LINGO2: variants seen among roughly 807,000 people sequenced by gnomAD.
LINGO2 encodes the protein leucine rich repeat and Ig domain containing 2.
A neutral mutation model predicts 30.6 loss-of-function variants in LINGO2; 14 were observed. The observed-to-expected ratio is 0.46, with a 90% CI of 0.30 to 0.72. The LOEUF (loss-of-function observed/expected upper bound fraction) is 0.72, where lower values mean the gene tolerates loss of function less well. LINGO2 is among the 30% of genes least tolerant of loss of function. The pLI, the probability that LINGO2 is intolerant of heterozygous loss-of-function variation, is 0.07. For synonymous variants in LINGO2, 317 were observed against 288.5 expected (o/e 1.10, Z -1.00); for missense variants, 729 against 751.7 (o/e 0.97, Z 0.35).
At chr9:29,045,083 A>C in the LINGO2 span, among the ~76,000 whole-genome samples, 1 of 152,134 alleles carries the variant, frequency 6.6e-6, no homozygotes, top group African/African-American at 2.4e-5. Context: ...GATAACCAAG[A>C]TGGCAACTAA....
chr9:28,690,487 A>G, the LINGO2 span, among the ~76,000 whole-genome samples: 4 of 152,190 alleles, frequency 2.6e-5, no homozygotes, highest in Admixed American at 2.6e-4. Context: ...TCAGTTACCT[A>G]CTTCCATTTC....
At chr9:28,402,779 T>C (rs1822324588) in intron 2 of LINGO2, among the ~76,000 whole-genome samples, 1 of 152,178 alleles carries the variant, frequency 6.6e-6, no homozygotes, top group East Asian at 1.9e-4. Flanking sequence ...ATCTTTCCCA[T>C]CACGTTTTTT....
chr9:27,982,808 C>A (rs1820943219), intron 5 of LINGO2, among the ~76,000 whole-genome samples: 1 of 151,692 alleles, frequency 6.6e-6, no homozygotes, highest in Admixed American at 6.6e-5. Flanking sequence ...TACTTAGCCT[C>A]AGCTTCCTAT....
At chr9:28,413,369 A>G (rs546946278) in intron 2 of LINGO2, among the ~76,000 whole-genome samples, 1 of 152,200 alleles carries the variant, frequency 6.6e-6, no homozygotes, top group African/African-American at 2.4e-5. Flanking sequence ...GTAGGTCTTT[A>G]TTCATATTGT....
chr9:28,721,552 C>T, the LINGO2 span, among the ~76,000 whole-genome samples: 3 of 152,082 alleles, frequency 2.0e-5, no homozygotes, highest in Admixed American at 1.3e-4. Context: ...AGAAAACTAA[C>T]ACAGGAACAG....
At chr9:28,891,857 A>G in the LINGO2 span, among the ~76,000 whole-genome samples, 1 of 152,006 alleles carries the variant, frequency 6.6e-6, no homozygotes, top group African/African-American at 2.4e-5. Context: ...ATATTTTAGA[A>G]TGAGAATTTA....
intron 5 of LINGO2, among the ~76,000 whole-genome samples, chr9:27,960,475 C>G (rs921770508): frequency 6.6e-6 from 1 of 152,162 alleles, no homozygotes; most frequent in Non-Finnish European, 1.5e-5. Flanking sequence ...CAGCAAGTAC[C>G]CTTTGCCTGG....
the LINGO2 span, among the ~76,000 whole-genome samples, chr9:29,083,392 T>G: frequency 2.0e-5 from 3 of 151,774 alleles, no homozygotes; most frequent in Non-Finnish European, 1.5e-5. Context: ...ATGAGAACAC[T>G]TGGACACAGG....
chr9:27,940,572 T>G, the LINGO2 span: 1 of 152,340 alleles, frequency 6.6e-6, no homozygotes, highest in East Asian at 1.9e-4. Context: ...AATATAGGGT[T>G]GTACAATAAG....
At chr9:28,970,526 C>A in the LINGO2 span, among the ~76,000 whole-genome samples, 13 of 152,084 alleles carry the variant, frequency 8.5e-5, no homozygotes, top group Admixed American at 7.2e-4. Flanking sequence ...ACCCCTCCCC[C>A]ACCCCCCAGC....
chr9:28,080,071 T>C (rs773485358), intron 4 of LINGO2, among the ~76,000 whole-genome samples: 1 of 152,242 alleles, frequency 6.6e-6, no homozygotes, highest in Non-Finnish European at 1.5e-5. Context: ...TCCACTGTTA[T>C]GCCATAGTCT....
chr9:28,119,789 A>G (rs1187561180), intron 4 of LINGO2, among the ~76,000 whole-genome samples: 2 of 152,186 alleles, frequency 1.3e-5, no homozygotes, highest in African/African-American at 4.8e-5. Flanking sequence ...AGTAAAATTT[A>G]AAACCAGTCA....
intron 5 of LINGO2, among the ~76,000 whole-genome samples, chr9:27,997,726 T>C (rs1821739654): frequency 6.6e-6 from 1 of 152,256 alleles, no homozygotes; most frequent in African/African-American, 2.4e-5. Context: ...TGTATCTTTT[T>C]GCCTTGTCTG....
chr9:28,851,300 C>T, the LINGO2 span, among the ~76,000 whole-genome samples: 2 of 152,012 alleles, frequency 1.3e-5, no homozygotes, highest in African/African-American at 2.4e-5. Context: ...CTACAGATCC[C>T]TCATGTTCCT....
At chr9:28,625,440 G>GTTACTA in intron 1 of LINGO2, among the ~76,000 whole-genome samples, 1 of 152,156 alleles carries the variant, frequency 6.6e-6, no homozygotes, top group East Asian at 1.9e-4. Flanking sequence ...CATTAAACCA[G>GTTACTA]TTACTATGAT....
chr9:28,433,923 T>TTCTCTCTCTCTCTC (rs146254758), intron 2 of LINGO2, among the ~76,000 whole-genome samples: 3 of 109,930 alleles, frequency 2.7e-5, no homozygotes, highest in Non-Finnish European at 6.0e-5. Flanking sequence ...TGCTCTCTCT[T>TTCTCTCTCTCTCTC]TCTCTCTCTC....
At chr9:28,032,597 T>C (rs1290297148) in intron 4 of LINGO2, among the ~76,000 whole-genome samples, 1 of 152,206 alleles carries the variant, frequency 6.6e-6, no homozygotes, top group Non-Finnish European at 1.5e-5. Context: ...AACATAAATG[T>C]TTTTAGTCCC....
the LINGO2 span, among the ~76,000 whole-genome samples, chr9:29,114,180 A>ATT: frequency 6.7e-6 from 1 of 149,316 alleles, no homozygotes. Context: ...TAATATATAT[A>ATT]TTTTTTTTAA....
chr9:28,465,144 G>A (rs1028719977), intron 2 of LINGO2, among the ~76,000 whole-genome samples: 2 of 152,190 alleles, frequency 1.3e-5, no homozygotes, highest in Non-Finnish European at 2.9e-5. Flanking sequence ...TGTTAAAACA[G>A]CTCAGTGGAG....
Sources: allele counts gnomAD v4.1 joint callset (sites outside exome capture counted in the v4.1 genomes callset), GRCh38; gene constraint gnomAD v4.1.1; transcripts MANE v1.5; gene names NCBI Gene and HGNC (gene_info 2026-07-23, HGNC 2026-07-21).